YIPF6: variants seen among roughly 807,000 people sequenced by gnomAD.
YIPF6 encodes Yip1 domain family member 6, also known as protein YIPF6.
A neutral mutation model predicts 16.8 loss-of-function variants in YIPF6; 3 were observed. The ratio of observed to expected loss-of-function variants is 0.18; its 90% CI spans 0.08 to 0.46. The LOEUF (loss-of-function observed/expected upper bound fraction) is 0.46. YIPF6 is among the 20% of genes least tolerant of loss of function. YIPF6 has a pLI of 0.98. For synonymous variants in YIPF6, 67 were observed against 61.9 expected (o/e 1.08, Z -0.38); for missense variants, 145 against 184.9 (o/e 0.78, Z 1.25).
At position 68,535,001 on chromosome X, in the gene YIPF6, A is replaced by T; in HGVS notation, c.*3002A>T. 8.9e-6 allele frequency: 1 copy of T among 112,556 alleles called. No homozygotes were observed. Among genetic ancestry groups the T allele is most frequent in the South Asian group, 3.6e-4 (1 of 2,748 alleles). 9.3% of individuals were successfully genotyped at this position (112,556 alleles called of 1,213,427 possible). A position where few individuals can be genotyped will look rare whatever the true frequency, so the allele number is the denominator to read the frequency against. On this transcript the variant is annotated 3_prime_UTR_variant, in exon 7 of 7. Coordinates refer to ENST00000462683, the MANE Select transcript of YIPF6 (RefSeq NM_173834.4). ...AATAGGACGGGTAAAGACTGGATTT[A>T]ATTGCTGTTCAGAGTATAAAAACTC...
chrX:68,514,247 T>A (rs1176988883), intron 3 of YIPF6: 1 of 102,027 alleles, frequency 9.8e-6, no homozygotes, highest in Admixed American at 1.1e-4. Context: ...AAAATATATA[T>A]ATATATATAT....
intron 4 of YIPF6, among the ~76,000 whole-genome samples, chrX:68,520,669 G>T (rs1756780304): frequency 9.0e-6 from 1 of 110,896 alleles, no homozygotes; most frequent in Admixed American, 9.7e-5. Context: ...CGGGGGTTTC[G>T]TCATGTTGCC....
At position 68,535,503 on chromosome X, in the gene YIPF6, C is replaced by A. The variant is rs1053252989; in HGVS notation, c.*3504C>A. ...AGTGCAAAACACTGAAATTGTGATT[C>A]TTAGACTGTTTCTGAGACATTTGGA... is the stretch of plus-strand genomic sequence containing the variant. On this transcript the variant is annotated 3_prime_UTR_variant, in exon 7 of 7. Coordinates refer to ENST00000462683, the MANE Select transcript of YIPF6 (RefSeq NM_173834.4). The A allele has an allele frequency of 9.0e-6, 1 of 111,719 alleles. No individual in the cohort carries two copies. The highest frequency in any genetic ancestry group is 3.3e-5 in the African/African-American group (1 of 30,757). The allele number at this position is 111,719 out of a possible 1,213,427, so 9.2% of individuals were successfully genotyped here.
intron 1 of YIPF6, among the ~76,000 whole-genome samples, chrX:68,502,800 T>C (rs2079045356): frequency 9.1e-6 from 1 of 109,646 alleles, no homozygotes; most frequent in African/African-American, 3.3e-5. Context: ...GAAGAAGAGA[T>C]AGGCTGTAAT....
rs912702777 is a variant in YIPF6 at position 68,533,604 on chromosome X, A to G, written c.*1605A>G. 6.2e-5 allele frequency: 7 copies of G among 112,108 alleles called. 1 individual carries two copies. The highest frequency in any genetic ancestry group is 5.7e-4 in the Admixed American group (6 of 10,552). The allele number at this position is 112,108 out of a possible 1,213,427, so 9.2% of individuals were successfully genotyped here. The stretch of plus-strand genomic sequence containing the variant: ...CAGGGCCAAATGGGTTCTTGGAATG[A>G]TAATAACAAAGCATTACAAAGTGGG... On this transcript the variant is annotated 3_prime_UTR_variant, in exon 7 of 7. Coordinates refer to ENST00000462683, the MANE Select transcript of YIPF6 (RefSeq NM_173834.4).
At chrX:68,528,210 T>G (rs1385868386) in intron 6 of YIPF6, among the ~76,000 whole-genome samples, 1 of 111,966 alleles carries the variant, frequency 8.9e-6, no homozygotes, top group East Asian at 2.8e-4. Context: ...CTCTTCTTGT[T>G]GCATTGATCC....
chrX:68,530,782 C>T (rs532448011), intron 6 of YIPF6, among the ~76,000 whole-genome samples: 1 of 111,204 alleles, frequency 9.0e-6, no homozygotes, highest in East Asian at 2.9e-4. Flanking sequence ...CAGCTCACCC[C>T]CCGTGGGCTG....
At chrX:68,527,442 T>G (rs1372793254) in intron 6 of YIPF6, among the ~76,000 whole-genome samples, 1 of 111,982 alleles carries the variant, frequency 8.9e-6, no homozygotes, top group African/African-American at 3.2e-5. Flanking sequence ...CATTGATTTT[T>G]TGAAGGGTTT....
intron 4 of YIPF6, among the ~76,000 whole-genome samples, chrX:68,520,313 A>G (rs965474297): frequency 8.9e-6 from 1 of 112,550 alleles, no homozygotes; most frequent in Non-Finnish European, 1.9e-5. Context: ...CCAAATATTC[A>G]AAACAGTTTA....
intron 1 of YIPF6, among the ~76,000 whole-genome samples, chrX:68,499,480 G>A (rs758641025): frequency 8.9e-6 from 1 of 111,735 alleles, no homozygotes. Flanking sequence ...ACCAGCCTTT[G>A]TTGAAGGAAT....
At chrX:68,514,329 C>T (rs2079093323) in intron 3 of YIPF6, 1 of 108,819 alleles carries the variant, frequency 9.2e-6, no homozygotes, top group African/African-American at 3.3e-5. Context: ...ACAATATTTA[C>T]ATTTATTACA....
intron 1 of YIPF6, among the ~76,000 whole-genome samples, chrX:68,511,263 A>G (rs2079079917): frequency 8.9e-6 from 1 of 112,800 alleles, no homozygotes; most frequent in African/African-American, 3.2e-5. Flanking sequence ...GAATTTGTAG[A>G]TTTGAGTTTC....
chrX:68,532,200 C>T lies in YIPF6; in HGVS notation c.*201C>T. The stretch of plus-strand genomic sequence containing the variant: ...GATGTTTGAAAGGCTGTTCTTTTCT[C>T]TCTTAATGTCATTTCTTTAAAAATA... On this transcript the variant is annotated 3_prime_UTR_variant, in exon 7 of 7. Coordinates refer to ENST00000462683, the MANE Select transcript of YIPF6 (RefSeq NM_173834.4). 1.1e-5 allele frequency: 4 copies of T among 372,879 alleles called. No homozygotes were observed. The highest frequency in any genetic ancestry group is 1.4e-5 in the Non-Finnish European group (3 of 215,418). 30.7% of individuals were successfully genotyped at this position (372,879 alleles called of 1,213,427 possible). A position where few individuals can be genotyped will look rare whatever the true frequency, so the allele number is the denominator to read the frequency against.
chrX:68,530,453 C>T (rs180989284), intron 6 of YIPF6, among the ~76,000 whole-genome samples: 134 of 110,632 alleles, frequency 1.2e-3, no homozygotes, highest in Admixed American at 4.1e-3. Flanking sequence ...CTGGCTTCAG[C>T]TCCCTTTCCA....
In YIPF6 at chrX:68,533,128, G is replaced by A. The variant is rs1241358446; in HGVS notation, c.*1129G>A. 8.9e-6 allele frequency: 1 copy of A among 111,977 alleles called. No individual in the cohort carries two copies. The highest frequency in any genetic ancestry group is 1.9e-5 in the Non-Finnish European group (1 of 53,177). 9.2% of individuals were successfully genotyped at this position (111,977 alleles called of 1,213,427 possible). On this transcript the variant is annotated 3_prime_UTR_variant, in exon 7 of 7. Transcript: ENST00000462683. Reference sequence around the variant, plus strand: ...GAGCTTAGCAGTTTTCTCATTAGATGTGTTTTTTTGGGTTGGGGAATAGCA... The same window carrying A: ...GAGCTTAGCAGTTTTCTCATTAGATATGTTTTTTTGGGTTGGGGAATAGCA...
intron 1 of YIPF6, among the ~76,000 whole-genome samples, chrX:68,511,400 T>C (rs1202627153): frequency 8.9e-6 from 1 of 112,514 alleles, no homozygotes; most frequent in Non-Finnish European, 1.9e-5. Flanking sequence ...TATATTTTGC[T>C]ATTTCCCTGT....
intron 1 of YIPF6, among the ~76,000 whole-genome samples, chrX:68,501,601 A>G: frequency 8.9e-6 from 1 of 112,046 alleles, no homozygotes; most frequent in Non-Finnish European, 1.9e-5. Context: ...GCCCAGACTT[A>G]TATATCCATT....
rs1301958691 is a variant in YIPF6 at position 68,531,457 on chromosome X, T to G, written c.593-424T>G. 1.5e-4 allele frequency among the ~76,000 whole-genome samples: 17 copies of G among 111,628 alleles called. No individual in the cohort carries two copies. In the Admixed American group the frequency reaches 1.6e-3, roughly 11 times the overall value. On this transcript the variant is annotated intron_variant, in intron 6 of 6. Transcript: ENST00000462683. ...TGATTCTTGATGAGTAAAACGATGA[T>G]TAGGTTTTTCTTAGATGGACAAGGG...
intron 1 of YIPF6, 140 bp downstream of exon 1, chrX:68,499,263 T>G: frequency 1.3e-6 from 1 of 770,508 alleles, no homozygotes. Flanking sequence ...CCAGAACCAG[T>G]CCCAACACTG....
Sources: gnomAD v4.1 joint callset for allele counts (sites outside exome capture counted in the v4.1 genomes callset) on GRCh38, gnomAD v4.1.1 for gene constraint, MANE v1.5 for transcripts, NCBI Gene and HGNC (gene_info 2026-07-23, HGNC 2026-07-21) for gene names.